The following PRELID2 variants were observed in gnomAD, a reference collection of about 807,000 sequenced individuals.
PRELID2 encodes the protein PRELI domain containing 2.
A neutral mutation model predicts 28.4 loss-of-function variants in PRELID2; 25 were observed. That is an observed-to-expected ratio of 0.88 (90% CI 0.64 to 1.23). The LOEUF (loss-of-function observed/expected upper bound fraction) is 1.23. PRELID2 is among the 50% of genes most tolerant of loss of function. The pLI, the probability that PRELID2 is intolerant of heterozygous loss-of-function variation, is 0.00. For synonymous variants in PRELID2, 76 were observed against 71.6 expected, an observed-to-expected ratio of 1.06 and a Z score of -0.31; for missense variants, 201 against 214.4, an observed-to-expected ratio of 0.94 and a Z score of 0.39.
chr5:145,748,878 G>A (rs1021110723), intron 1 of PRELID2, among the ~76,000 whole-genome samples: 1 of 152,132 alleles, frequency 6.6e-6, no homozygotes, highest in African/African-American at 2.4e-5. Flanking sequence ...ATGGGGAAAG[G>A]ATCTCCTATT....
At chr5:145,304,414 G>A in the PRELID2 span, among the ~76,000 whole-genome samples, 1 of 152,056 alleles carries the variant, frequency 6.6e-6, no homozygotes. Context: ...TTTTAATATT[G>A]TAATAGTTTT....
the PRELID2 span, among the ~76,000 whole-genome samples, chr5:145,247,708 C>T: frequency 1.3e-5 from 2 of 152,078 alleles, no homozygotes; most frequent in Non-Finnish European, 2.9e-5. Context: ...AAACAAGGTA[C>T]TGCCATTTGC....
At chr5:145,689,318 A>G (rs1755099132) in intron 1 of PRELID2, among the ~76,000 whole-genome samples, 1 of 152,132 alleles carries the variant, frequency 6.6e-6, no homozygotes, top group African/African-American at 2.4e-5. Context: ...AAAACTGCAA[A>G]TAGGAACCAA....
At chr5:145,741,875 A>T (rs1581126807) in intron 1 of PRELID2, among the ~76,000 whole-genome samples, 1 of 124,216 alleles carries the variant, frequency 8.1e-6, no homozygotes, top group African/African-American at 3.2e-5. Flanking sequence ...TTTAATAAAT[A>T]AATTTAACAA....
At chr5:145,394,017 GT>G in the PRELID2 span, among the ~76,000 whole-genome samples, 285 of 152,306 alleles carry the variant, frequency 1.9e-3, 7 homozygotes, top group East Asian at 0.041. Context: ...GTGGAAGTCA[GT>G]GTGGCGATTC....
At chr5:145,290,535 G>C in the PRELID2 span, among the ~76,000 whole-genome samples, 1 of 148,874 alleles carries the variant, frequency 6.7e-6, no homozygotes, top group South Asian at 2.2e-4. Context: ...TCACTCATAG[G>C]TGGGAATTGA....
chr5:145,414,955 A>T, the PRELID2 span, among the ~76,000 whole-genome samples: 222 of 152,296 alleles, frequency 1.5e-3, 1 homozygote, highest in African/African-American at 5.2e-3. Flanking sequence ...AGAAAAAGCA[A>T]TGGTTCTAAG....
chr5:145,337,383 G>C, the PRELID2 span, among the ~76,000 whole-genome samples: 2 of 151,566 alleles, frequency 1.3e-5, no homozygotes, highest in Non-Finnish European at 2.9e-5. Flanking sequence ...ACACCAGCTT[G>C]GTGTCCTGTA....
the PRELID2 span, among the ~76,000 whole-genome samples, chr5:145,405,063 TA>T: frequency 5.3e-5 from 8 of 151,898 alleles, no homozygotes; most frequent in Non-Finnish European, 8.8e-5. Context: ...AAAAATAAAA[TA>T]AAAAAACTTC....
chr5:145,516,194 T>G (rs71594505), intron 1 of PRELID2, among the ~76,000 whole-genome samples: 51,105 of 151,710 alleles, frequency 0.34, 9,726 homozygotes, highest in East Asian at 0.9. Flanking sequence ...AGAGAGGAAG[T>G]CAAATTGTCT....
At chr5:145,604,402 G>A (rs1580996808) in intron 1 of PRELID2, among the ~76,000 whole-genome samples, 1 of 151,950 alleles carries the variant, frequency 6.6e-6, no homozygotes. Flanking sequence ...AGTTGCAAAG[G>A]ATATGATCTT....
At chr5:145,576,707 T>G (rs1216026331) in intron 1 of PRELID2, among the ~76,000 whole-genome samples, 3 of 151,048 alleles carry the variant, frequency 2.0e-5, no homozygotes, top group Admixed American at 2.0e-4. Flanking sequence ...GTTTGTTAAA[T>G]TGTACAAAAA....
chr5:145,490,569 T>C (rs1752259881), intron 1 of PRELID2, among the ~76,000 whole-genome samples: 1 of 152,116 alleles, frequency 6.6e-6, no homozygotes, highest in South Asian at 2.1e-4. Flanking sequence ...TCTAAGGCAG[T>C]TGAAAAAATG....
intron 1 of PRELID2, among the ~76,000 whole-genome samples, chr5:145,549,528 T>G (rs886098011): frequency 1.3e-5 from 2 of 152,068 alleles, no homozygotes; most frequent in East Asian, 1.9e-4. Flanking sequence ...CCTCACAAAG[T>G]GCTGTAATCC....
At chr5:145,730,121 C>T (rs1038462491) in intron 1 of PRELID2, among the ~76,000 whole-genome samples, 9 of 152,036 alleles carry the variant, frequency 5.9e-5, no homozygotes, top group Admixed American at 3.3e-4. Context: ...GATTATGGTG[C>T]GTCAGGGTAG....
the PRELID2 span, among the ~76,000 whole-genome samples, chr5:145,354,958 G>A: frequency 3.3e-5 from 5 of 152,048 alleles, no homozygotes; most frequent in Admixed American, 3.3e-4. Flanking sequence ...CTCAACTGAT[G>A]CTATTAAAGA....
chr5:145,503,922 C>T (rs1211418282), intron 1 of PRELID2, among the ~76,000 whole-genome samples: 5 of 152,180 alleles, frequency 3.3e-5, no homozygotes, highest in Non-Finnish European at 7.4e-5. Flanking sequence ...GGGAACCTCA[C>T]AGCACATTGT....
chr5:145,835,046 A>T, intron 1 of PRELID2, 131 bp downstream of exon 1: 1 of 621,774 alleles, frequency 1.6e-6, no homozygotes, highest in Non-Finnish European at 2.9e-6. Flanking sequence ...CTCGACCCAC[A>T]CATCCCTGAA....
chr5:145,649,275 T>C (rs1480801957), intron 1 of PRELID2, among the ~76,000 whole-genome samples: 2 of 152,160 alleles, frequency 1.3e-5, no homozygotes, highest in East Asian at 3.9e-4. Flanking sequence ...CCACAAATCT[T>C]GGTAGCCTTG....
Sources: allele counts gnomAD v4.1 joint callset (sites outside exome capture counted in the v4.1 genomes callset), GRCh38; gene constraint gnomAD v4.1.1; transcripts MANE v1.5; gene names NCBI Gene and HGNC (gene_info 2026-07-23, HGNC 2026-07-21).